Variants in SLC1A1 observed in about 807,000 individuals in gnomAD.
SLC1A1 encodes excitatory amino acid transporter 3.
SLC1A1 carries 43 observed loss-of-function variants against 53.3 expected under a neutral mutation model. That is an observed-to-expected ratio of 0.81 (90% confidence interval 0.63 to 1.04). SLC1A1 has a LOEUF of 1.04. SLC1A1 is among the 50% of genes least tolerant of loss of function. The pLI, the probability that SLC1A1 is intolerant of heterozygous loss-of-function variation, is 0.00. For synonymous variants in SLC1A1, 307 were observed against 243.2 expected, an observed-to-expected ratio of 1.26 and a Z score of -2.44; for missense variants, 748 against 664.9, an observed-to-expected ratio of 1.12 and a Z score of -1.37.
At chr9:4,575,903 C>A in intron 8 of SLC1A1, 98 bp from the exon 9 acceptor site, 1 of 1,441,932 alleles carries the variant, frequency 6.9e-7, no homozygotes, top group East Asian at 2.4e-5. Flanking sequence ...TTATGAAAGT[C>A]AAACAATTTT....
intron 6 of SLC1A1, among the ~76,000 whole-genome samples, chr9:4,571,438 G>A (rs1416334321): frequency 2.0e-5 from 3 of 152,158 alleles, no homozygotes; most frequent in Admixed American, 6.5e-5. Context: ...CACTTTGAGA[G>A]GCTGAGGTGG....
intron 7 of SLC1A1, 61 bp from the exon 8 acceptor site, chr9:4,573,846 C>G: frequency 2.6e-6 from 3 of 1,173,638 alleles, no homozygotes; most frequent in Non-Finnish European, 3.9e-6. Context: ...CCTTCCCCAC[C>G]AACCTAGCAT....
chr9:4,498,419 A>G (rs1014596932), intron 1 of SLC1A1, among the ~76,000 whole-genome samples: 1 of 152,200 alleles, frequency 6.6e-6, no homozygotes, highest in African/African-American at 2.4e-5. Flanking sequence ...TTTGCAAAGT[A>G]CACAATACTC....
At chr9:4,574,732 G>A (rs901265291) in intron 8 of SLC1A1, among the ~76,000 whole-genome samples, 19 of 152,172 alleles carry the variant, frequency 1.2e-4, no homozygotes, top group African/African-American at 4.6e-4. Flanking sequence ...AAGAAATACA[G>A]ACTAAGGGAA....
chr9:4,537,568 A>AAAAATAAAAT (rs1323198206), intron 1 of SLC1A1, among the ~76,000 whole-genome samples: 1 of 142,282 alleles, frequency 7.0e-6, no homozygotes, highest in African/African-American at 2.7e-5. Context: ...TCCGTCTCAA[A>AAAAATAAAAT]AAAATAAAAT....
chr9:4,584,934 C>A (rs1821450596), intron 11 of SLC1A1, among the ~76,000 whole-genome samples: 1 of 152,166 alleles, frequency 6.6e-6, no homozygotes, highest in African/African-American at 2.4e-5. Flanking sequence ...TGACCTTTGC[C>A]CAAAGAGAGC....
At position 4,561,443 on chromosome 9, in the gene SLC1A1, C is replaced by G. The variant is rs556948770; in HGVS notation, c.233-6C>G. The G allele has an allele frequency of 1.2e-5, 18 of 1,555,600 alleles. No homozygotes were observed. Among genetic ancestry groups the G allele is most frequent in the Non-Finnish European group, 1.3e-5 (15 of 1,126,884 alleles). ...TAATGTAATTTGATTTCTGTCTCCC[C>G]TTCAGGTGTTGCTGCACTGGATTCC... On this transcript the variant is annotated splice_region_variant and splice_polypyrimidine_tract_variant and intron_variant, in intron 2 of 11. Coordinates refer to ENST00000262352, the MANE Select transcript of SLC1A1 (RefSeq NM_004170.6).
intron 11 of SLC1A1, among the ~76,000 whole-genome samples, chr9:4,584,132 G>A (rs961999249): frequency 2.0e-5 from 3 of 152,196 alleles, no homozygotes; most frequent in Non-Finnish European, 4.4e-5. Flanking sequence ...GGAGTCCAGT[G>A]CTATGTACTG....
In SLC1A1 at chr9:4,533,102, C is replaced by A. The variant is rs986617430; in HGVS notation, c.92-11465C>A. ...AAGGAAAAACCGGTGCCAGCCACTG[C>A]AAAAACACACCAAATTGTAAAGACC... On this transcript the variant is annotated intron_variant, in intron 1 of 11. Coordinates refer to ENST00000262352, the MANE Select transcript of SLC1A1 (RefSeq NM_004170.6). 1.7e-4 allele frequency among the ~76,000 whole-genome samples: 26 copies of A among 152,112 alleles called. 1 individual carries two copies. The highest frequency in any genetic ancestry group is 6.3e-4 in the African/African-American group (26 of 41,406).
Position 4,514,043 on chromosome 9 carries a change from A to G in SLC1A1, c.91+23273A>G, listed in dbSNP as rs74345158. ...GTTGCTAGAGGTTAGGAATGGAGAA[A>G]GGTGTGACTAGAAAGATACAGCATG... On this transcript the variant is annotated intron_variant, in intron 1 of 11. Coordinates refer to ENST00000262352, the MANE Select transcript of SLC1A1 (RefSeq NM_004170.6). Among the ~76,000 whole-genome samples, 15 of 152,340 alleles carry G rather than the reference A, an allele frequency of 9.8e-5. No homozygotes were observed. In the East Asian group the frequency reaches 2.9e-3, roughly 29 times the overall value.
At chr9:4,502,919 T>G (rs1158443035) in intron 1 of SLC1A1, among the ~76,000 whole-genome samples, 2 of 151,778 alleles carry the variant, frequency 1.3e-5, no homozygotes, top group African/African-American at 2.4e-5. Flanking sequence ...ATAAACCTTC[T>G]GTTTGAGCTT....
At chr9:4,499,050 C>CT (rs5896080) in intron 1 of SLC1A1, among the ~76,000 whole-genome samples, 101,340 of 134,956 alleles carry the variant, frequency 0.75, 38,552 homozygotes, top group Admixed American at 0.82. Flanking sequence ...ATATATATAT[C>CT]TTTTTTTTTT....
intron 1 of SLC1A1, among the ~76,000 whole-genome samples, chr9:4,530,236 G>A (rs1220850982): frequency 6.6e-6 from 1 of 152,062 alleles, no homozygotes; most frequent in South Asian, 2.1e-4. Context: ...AACTAACTCT[G>A]ATCTCTCATG....
intron 1 of SLC1A1, among the ~76,000 whole-genome samples, chr9:4,505,045 CTTT>C (rs3038189): frequency 2.6e-5 from 3 of 115,022 alleles, no homozygotes; most frequent in Non-Finnish European, 5.1e-5. Flanking sequence ...ACATATATTT[CTTT>C]TTTTTTTTTT....
intron 7 of SLC1A1, 144 bp downstream of exon 7, chr9:4,572,532 G>T: frequency 1.3e-6 from 1 of 799,880 alleles, no homozygotes; most frequent in African/African-American, 1.7e-5. Context: ...TATTTTGTGG[G>T]GGCTTTTGTT....
intron 2 of SLC1A1, among the ~76,000 whole-genome samples, chr9:4,558,524 T>G (rs1360990613): frequency 3.3e-5 from 5 of 152,216 alleles, no homozygotes; most frequent in Admixed American, 3.3e-4. Flanking sequence ...GGATGACTAC[T>G]TGGGGATGTA....
chr9:4,572,159 G>T, intron 6 of SLC1A1, 45 bp from the exon 7 acceptor site: 1 of 1,527,906 alleles, frequency 6.5e-7, no homozygotes, highest in Non-Finnish European at 9.1e-7. Flanking sequence ...TTTCTAACAA[G>T]ATTATAATCG....
rs771422424 is a variant in SLC1A1, at chr9:4,496,452, T to G, written c.91+5682T>G. ...CCAGGCTGGTCTTGAATGCCTGGCTTCAAGCTGTCCTCCTGCCTCAGCCTC... is the reference window on the plus strand; with the variant it reads ...CCAGGCTGGTCTTGAATGCCTGGCTGCAAGCTGTCCTCCTGCCTCAGCCTC... On this transcript the variant is annotated intron_variant, in intron 1 of 11. Coordinates refer to ENST00000262352, the MANE Select transcript of SLC1A1 (RefSeq NM_004170.6). Among the ~76,000 whole-genome samples the G allele has an allele frequency of 2.0e-5, 3 of 152,222 alleles. No individual in the cohort carries two copies. The South Asian group carries it at 6.2e-4, about 32-fold the overall frequency.
Position 4,501,983 on chromosome 9 carries a change from A to G in SLC1A1, c.91+11213A>G, listed in dbSNP as rs995115958. ...GAAATGCCTAAACTACAGAGAGCCT[A>G]ATCTCTGAGCCTCTCCCCATTACTG... is the stretch of plus-strand genomic sequence containing the variant. On this transcript the variant is annotated intron_variant, in intron 1 of 11. Coordinates refer to ENST00000262352, the MANE Select transcript of SLC1A1 (RefSeq NM_004170.6). 2.0e-5 allele frequency among the ~76,000 whole-genome samples: 3 copies of G among 151,774 alleles called. 1 individual carries two copies. The highest frequency in any genetic ancestry group is 7.3e-5 in the African/African-American group (3 of 41,052).
Sources: gnomAD v4.1 joint callset for allele counts (sites outside exome capture counted in the v4.1 genomes callset) on GRCh38, gnomAD v4.1.1 for gene constraint, MANE v1.5 for transcripts, NCBI Gene and HGNC (gene_info 2026-07-23, HGNC 2026-07-21) for gene names.